FRMD6: variants seen among roughly 807,000 people sequenced by gnomAD.
FRMD6 encodes FERM domain-containing protein 6.
A neutral mutation model predicts 73.2 loss-of-function variants in FRMD6; 37 were observed. The observed-to-expected ratio is 0.51, with a 90% CI of 0.39 to 0.66. FRMD6 has a LOEUF of 0.66. Ranked by LOEUF, FRMD6 falls within the 30% of genes least tolerant of loss-of-function variation. The probability of loss-of-function intolerance (pLI) is 0.00; values close to 1 mark genes in which losing one functional copy is unlikely to be tolerated. For missense variants in FRMD6, 714 were observed against 780.5 expected, an observed-to-expected ratio of 0.91 and a Z score of 1.02; for synonymous variants, 273 against 282.2, an observed-to-expected ratio of 0.97 and a Z score of 0.33.
the FRMD6 span, among the ~76,000 whole-genome samples, chr14:51,423,866 G>C: frequency 2.0e-5 from 3 of 152,186 alleles, no homozygotes; most frequent in East Asian, 5.8e-4. Context: ...ACTGTAAGTG[G>C]CTATGTATCT....
chr14:51,629,087 A>G (rs1891239679), intron 2 of FRMD6, among the ~76,000 whole-genome samples: 1 of 151,974 alleles, frequency 6.6e-6, no homozygotes, highest in African/African-American at 2.4e-5. Flanking sequence ...CGTGTTAGCC[A>G]GGATGGTCTC....
the FRMD6 span, among the ~76,000 whole-genome samples, chr14:51,469,575 T>C: frequency 7.5e-6 from 1 of 133,972 alleles, no homozygotes; most frequent in East Asian, 2.4e-4. Context: ...ATAGCGCCAC[T>C]GCACTCCAGC....
At chr14:51,562,915 T>C (rs1887559284) in intron 1 of FRMD6, among the ~76,000 whole-genome samples, 1 of 152,190 alleles carries the variant, frequency 6.6e-6, no homozygotes, top group African/African-American at 2.4e-5. Flanking sequence ...ATAGTAAGGA[T>C]AGTTTGTCTC....
chr14:51,675,686 T>A (rs1894340137), intron 1 of FRMD6, among the ~76,000 whole-genome samples: 2 of 152,190 alleles, frequency 1.3e-5, no homozygotes, highest in Non-Finnish European at 2.9e-5. Context: ...ATGAATTTTT[T>A]AATTTGAAGT....
intron 7 of FRMD6, among the ~76,000 whole-genome samples, chr14:51,709,222 TA>T (rs1414420177): frequency 2.8e-4 from 42 of 152,294 alleles, no homozygotes; most frequent in African/African-American, 8.9e-4. Context: ...GGCCTCTTAC[TA>T]TGTGACCTCA....
chr14:51,487,527 G>A (rs1273352244), upstream of FRMD6, among the ~76,000 whole-genome samples: 1 of 152,192 alleles, frequency 6.6e-6, no homozygotes, highest in African/African-American at 2.4e-5. Context: ...CCAGGTCAGT[G>A]CTGCTGTTCT....
chr14:51,715,496 G>A lies in FRMD6; in HGVS notation c.1021G>A (p.Glu341Lys), dbSNP rs151295857. 4.2e-4 allele frequency: 673 copies of A among 1,608,936 alleles called. No homozygotes were observed. The highest frequency in any genetic ancestry group is 5.5e-4 in the Non-Finnish European group (643 of 1,177,244). The part of the protein sequence containing the change: ...LRHIRKLEEN[E>K]EKKQYRESYI... ...CCATATCCGGAAGCTGGAGGAAAAC[G>A]AAGGTATTGCAGGGTCTGGGGTGTG... The change falls in exon 10 of 14, where the codon GAA becomes AAA. Residue 341 changes from glutamate (E) to lysine (K), a missense_variant. Transcript: ENST00000344768.
intron 13 of FRMD6, among the ~76,000 whole-genome samples, chr14:51,727,089 T>C (rs1369897008): frequency 1.3e-5 from 2 of 152,012 alleles, no homozygotes; most frequent in Admixed American, 1.3e-4. Context: ...CCCCGACTCG[T>C]GTTCGGGAAC....
chr14:51,521,375 G>A (rs1241860141), intron 1 of FRMD6, among the ~76,000 whole-genome samples: 1 of 152,030 alleles, frequency 6.6e-6, no homozygotes, highest in East Asian at 1.9e-4. Flanking sequence ...TATTTTACTG[G>A]AATATAAATA....
chr14:51,616,175 C>T (rs904346032), intron 2 of FRMD6, among the ~76,000 whole-genome samples: 2 of 152,164 alleles, frequency 1.3e-5, no homozygotes, highest in Non-Finnish European at 2.9e-5. Flanking sequence ...CTGTAGTTGA[C>T]AGCCTTCCAT....
intron 2 of FRMD6, among the ~76,000 whole-genome samples, chr14:51,611,257 G>A (rs1444165748): frequency 6.6e-6 from 1 of 152,064 alleles, no homozygotes; most frequent in Non-Finnish European, 1.5e-5. Flanking sequence ...GGTATTATGG[G>A]GTCTTATTTT....
At chr14:51,461,130 A>G in the FRMD6 span, among the ~76,000 whole-genome samples, 1 of 152,368 alleles carries the variant, frequency 6.6e-6, no homozygotes, top group Admixed American at 6.5e-5. Context: ...AGCTGTGTAT[A>G]TCTTTCCCAG....
chr14:51,671,374 T>A (rs977237988), intron 1 of FRMD6, among the ~76,000 whole-genome samples: 4 of 152,336 alleles, frequency 2.6e-5, no homozygotes, highest in African/African-American at 4.8e-5. Flanking sequence ...GCCTAGAATT[T>A]TCTTTGTCAT....
the FRMD6 span, among the ~76,000 whole-genome samples, chr14:51,426,400 C>A: frequency 2.0e-5 from 3 of 152,074 alleles, no homozygotes; most frequent in African/African-American, 7.2e-5. Flanking sequence ...TAGAATTAGA[C>A]CCCGCTCTCT....
chr14:51,405,024 G>T, the FRMD6 span, among the ~76,000 whole-genome samples: 12 of 152,152 alleles, frequency 7.9e-5, no homozygotes, highest in Non-Finnish European at 1.6e-4. Flanking sequence ...AGAACATGCG[G>T]TATTCGGTTT....
At chr14:51,488,187 C>T (rs1044893432), upstream of FRMD6, among the ~76,000 whole-genome samples, 2 of 152,218 alleles carry the variant, frequency 1.3e-5, no homozygotes, top group Non-Finnish European at 2.9e-5. Context: ...CTCCCATTGG[C>T]AGGAGCCCGT....
chr14:51,411,417 A>G, the FRMD6 span, among the ~76,000 whole-genome samples: 45,912 of 152,012 alleles, frequency 0.3, 7,428 homozygotes, highest in African/African-American at 0.42. Flanking sequence ...GTGCAGAAAG[A>G]GGCAGTCGGT....
the FRMD6 span, among the ~76,000 whole-genome samples, chr14:51,442,834 A>G: frequency 6.6e-6 from 1 of 152,212 alleles, no homozygotes; most frequent in Non-Finnish European, 1.5e-5. Flanking sequence ...GGTACAAAAC[A>G]TGTTGAAGCT....
intron 10 of FRMD6, 25 bp downstream of exon 10, chr14:51,715,524 A>G: frequency 6.4e-7 from 1 of 1,555,808 alleles, no homozygotes; most frequent in Non-Finnish European, 8.7e-7. Flanking sequence ...GGGGTGTGGA[A>G]GCAAATTGTA....
Sources: allele counts gnomAD v4.1 joint callset (sites outside exome capture counted in the v4.1 genomes callset), GRCh38; gene constraint gnomAD v4.1.1; transcripts MANE v1.5; gene names NCBI Gene and HGNC (gene_info 2026-07-23, HGNC 2026-07-21).